The following SELENON variants were observed in gnomAD, a reference collection of about 807,000 sequenced individuals.
SELENON encodes selenoprotein N.
A neutral mutation model predicts 59.5 loss-of-function variants in SELENON; 44 were observed. That is an observed-to-expected ratio of 0.74 (90% CI 0.58 to 0.95). The LOEUF is 0.95. SELENON is among the 40% of genes least tolerant of loss of function. The pLI is 0.00. For synonymous variants in SELENON, 320 were observed against 305.6 expected, an observed-to-expected ratio of 1.05 and a Z score of -0.49; for missense variants, 674 against 721.4, an observed-to-expected ratio of 0.93 and a Z score of 0.75.
At position 25,809,918 on chromosome 1, in the gene SELENON, C is replaced by T. The variant is rs1382843582; in HGVS notation, c.1010+98C>T. 7.5e-6 allele frequency: 11 copies of T among 1,467,052 alleles called. No individual in the cohort carries two copies. In the East Asian group the frequency reaches 2.3e-4, roughly 30 times the overall value. The allele number at this position is 1,467,052 out of a possible 1,614,324, so 90.9% of individuals were successfully genotyped here. A position where few individuals can be genotyped will look rare whatever the true frequency, so the allele number is the denominator to read the frequency against. On this transcript the variant is annotated intron_variant, in intron 7 of 12. Transcript: ENST00000361547. ...GGGGCCTCTTCTGTCTCTGCCCCTT[C>T]CTTTGCTCCCCAGAGCCCATCTCAT...
In SELENON at chr1:25,806,769, G is replaced by A. The variant is rs181546255; in HGVS notation, c.537+1494G>A. ...TGACCTTGAGGCTGGCACCTGTGGC[G>A]GAATTGCCACCTGGCCCAGCCCAGG... is the stretch of plus-strand genomic sequence containing the variant. On this transcript the variant is annotated intron_variant, in intron 4 of 12. Transcript: ENST00000361547. Among the ~76,000 whole-genome samples the A allele has an allele frequency of 2.1e-3, 326 of 152,040 alleles. 1 individual carries two copies. The highest frequency in any genetic ancestry group is 7.5e-3 in the African/African-American group (311 of 41,460).
At position 25,815,736 on chromosome 1, in the gene SELENON, T is replaced by G. The variant is rs763193254; in HGVS notation, c.*18T>G. The G allele has an allele frequency of 1.9e-6, 3 of 1,612,832 alleles. No individual in the cohort carries two copies. Among genetic ancestry groups the G allele is most frequent in the Non-Finnish European group, 2.5e-6 (3 of 1,179,886 alleles). The stretch of plus-strand genomic sequence containing the variant: ...AGCCCTAGAGTGCCTGGACGGGATC[T>G]GATGCACAGGCCCCCACGCCTCAGA... On this transcript the variant is annotated 3_prime_UTR_variant, in exon 13 of 13. Coordinates refer to ENST00000361547, the MANE Select transcript of SELENON (RefSeq NM_020451.3).
chr1:25,811,388 G>A (rs961027408), intron 7 of SELENON, 66 bp from the exon 7 acceptor site: 143 of 1,350,412 alleles, frequency 1.1e-4, no homozygotes, highest in Non-Finnish European at 1.4e-4. Flanking sequence ...CAGGTATTAT[G>A]TGAGATAAAG....
chr1:25,801,162 T>C lies in SELENON; in HGVS notation c.301+2T>C. 1 of 1,611,236 alleles carries C rather than the reference T, an allele frequency of 6.2e-7. No homozygotes were observed. Among genetic ancestry groups the C allele is most frequent in the Non-Finnish European group, 8.5e-7 (1 of 1,177,448 alleles). On this transcript the variant is annotated splice_donor_variant, in intron 2 of 12. Coordinates refer to ENST00000361547, the MANE Select transcript of SELENON (RefSeq NM_020451.3). LOFTEE classifies it high-confidence loss of function. ...AACCCATTGCTGAGAAGCTAACAGG[T>C]ACCAGGAGAGACTGGCGGCTGGGGA...
chr1:25,818,110 C>A lies in SELENON; in HGVS notation c.*2392C>A, dbSNP rs1043442639. 6.6e-6 allele frequency: 1 copy of A among 152,450 alleles called. No individual in the cohort carries two copies. Among genetic ancestry groups the A allele is most frequent in the African/African-American group, 2.4e-5 (1 of 41,478 alleles). 9.4% of individuals were successfully genotyped at this position (152,450 alleles called of 1,614,324 possible). On this transcript the variant is annotated 3_prime_UTR_variant, in exon 13 of 13. Transcript: ENST00000361547. ...TGATGCCTCTGCAGTTCATGTCCCC[C>A]ACCAGGCCTCGAGGCTCAGGGTGGG... is the stretch of plus-strand genomic sequence containing the variant.
In SELENON at chr1:25,815,674, C is replaced by T. The variant is rs1453584391; in HGVS notation, c.1729C>T (p.Leu577=). ...GTCCACGGCCACCTACATGCAGTTC[C>T]TGAAGGAGGGACTCCGGCGTGGCCT... Residue 577 remains leucine (L), a synonymous_variant, in exon 13 of 13, where the codon CTG becomes TTG. Coordinates refer to ENST00000361547, the MANE Select transcript of SELENON (RefSeq NM_020451.3). The T allele has an allele frequency of 6.2e-7, 1 of 1,614,082 alleles. No homozygotes were observed. Among genetic ancestry groups the T allele is most frequent in the Non-Finnish European group, 8.5e-7 (1 of 1,180,030 alleles).
chr1:25,809,719 C>T lies in SELENON; in HGVS notation c.909C>T (p.Asp303=), dbSNP rs748756250. 6.8e-6 allele frequency: 11 copies of T among 1,614,048 alleles called. No homozygotes were observed. In the African/African-American group the frequency reaches 1.2e-4, roughly 18 times the overall value. ...AGTTCCAGCTCAGTGAGCCGCCCGACTTCCCCTTTTGGTTCTCCCCTGCTC... is the reference window on the plus strand; with the variant it reads ...AGTTCCAGCTCAGTGAGCCGCCCGATTTCCCCTTTTGGTTCTCCCCTGCTC... The change falls in exon 7 of 13, where the codon GAC becomes GAT. Residue 303 remains aspartate, a synonymous_variant. Coordinates refer to ENST00000361547, the MANE Select transcript of SELENON (RefSeq NM_020451.3).
chr1:25,815,055 T>C (rs1203244085), intron 12 of SELENON, among the ~76,000 whole-genome samples: 1 of 151,960 alleles, frequency 6.6e-6, no homozygotes, highest in Non-Finnish European at 1.5e-5. Flanking sequence ...TGAATGTTGA[T>C]TGAATGCTGA....
chr1:25,809,943 T>C, intron 7 of SELENON, 123 bp downstream of exon 6: 3 of 1,302,518 alleles, frequency 2.3e-6, no homozygotes, highest in South Asian at 2.4e-5. Context: ...GCCCATCTCA[T>C]GGGGCTGACG....
In SELENON at chr1:25,812,556, TACACACAAACACACACAC is replaced by T. The variant is rs1197051567; in HGVS notation, c.1282-123_1282-106del. On this transcript the variant is annotated intron_variant, in intron 9 of 12. Transcript: ENST00000361547. ...AGACATACACACAAATATATATGCC[TACACACAAACACACACAC>T]ACACACACACACACACACACACACA... is the stretch of plus-strand genomic sequence containing the variant. 2.2e-4 allele frequency: 115 copies of T among 527,964 alleles called. No individual in the cohort carries two copies. In the African/African-American group the frequency reaches 2.4e-3, roughly 11 times the overall value. The allele number at this position is 527,964 out of a possible 1,614,324, so 32.7% of individuals were successfully genotyped here.
chr1:25,801,720 C>T (rs556495083), intron 2 of SELENON, among the ~76,000 whole-genome samples: 1 of 152,280 alleles, frequency 6.6e-6, no homozygotes, highest in African/African-American at 2.4e-5. Flanking sequence ...CCACCTCCTC[C>T]GTGCCAGGTA....
intron 2 of SELENON, 125 bp downstream of exon 2, chr1:25,801,285 G>T: frequency 3.9e-6 from 3 of 768,660 alleles, no homozygotes; most frequent in Non-Finnish European, 7.0e-6. Flanking sequence ...ACTCCTCCCA[G>T]CTCTGACACT....
intron 6 of SELENON, 58 bp from the exon 6 acceptor site, chr1:25,809,625 C>G: frequency 6.2e-7 from 1 of 1,608,254 alleles, no homozygotes; most frequent in South Asian, 1.1e-5. Flanking sequence ...GCCAAGGCTT[C>G]CCGGGCTCCT....
rs1435826273 is a variant in SELENON, at chr1:25,811,743, A to C, written c.1145A>C (p.Asp382Ala). 1.2e-6 allele frequency: 2 copies of C among 1,602,526 alleles called. No individual in the cohort carries two copies. Among genetic ancestry groups the C allele is most frequent in the Admixed American group, 3.5e-5 (2 of 57,028 alleles). ...GTGCCCTCCGTGATCCTGGATGAGG[A>C]TGGCAGCATGATCGACAGCCACCTG... Residue 382 changes from aspartate to alanine, a missense_variant, in exon 9 of 13, where the codon GAT becomes GCT. Coordinates refer to ENST00000361547, the MANE Select transcript of SELENON (RefSeq NM_020451.3).
Position 25,801,102 on chromosome 1 carries a change from T to G in SELENON, c.243T>G (p.Thr81=). The G allele has an allele frequency of 1.9e-6, 3 of 1,614,172 alleles. No homozygotes were observed. The highest frequency in any genetic ancestry group is 2.5e-6 in the Non-Finnish European group (3 of 1,180,012). ...TTTTTCTCTTTTCCTCCTTGGACAC[T>G]GACGGGGATATGTACATCAGCCCTG... The change falls in exon 2 of 13, where the codon ACT becomes ACG. Residue 81 remains threonine, a synonymous_variant. Coordinates refer to ENST00000361547, the MANE Select transcript of SELENON (RefSeq NM_020451.3).
rs745715484 is a variant in SELENON, at chr1:25,811,806, T to TC, written c.1209dup (p.Lys404GlnfsTer?). On this transcript the variant is annotated frameshift_variant, in exon 9 of 13. Transcript: ENST00000361547. LOFTEE classifies it high-confidence loss of function. ...CCCCTGCAGTTTGTGTTTGAGGAGA[T>TC]CAAGTGGCAGCAGGAGCTGAGCTGG... 1.3e-6 allele frequency: 2 copies of TC among 1,587,506 alleles called. No individual in the cohort carries two copies. The highest frequency in any genetic ancestry group is 4.6e-5 in the East Asian group (2 of 43,836).
chr1:25,812,555 CTACACACAAACA>C (rs2047972589), intron 9 of SELENON, 120 bp from the exon 9 acceptor site: 2 of 567,800 alleles, frequency 3.5e-6, no homozygotes, highest in Non-Finnish European at 6.1e-6. Context: ...ATATATATGC[CTACACACAAACA>C]CACACACACA....
rs1267070049 is a variant in SELENON at position 25,817,578 on chromosome 1, CACG to C, written c.*1863_*1865del. On this transcript the variant is annotated 3_prime_UTR_variant, in exon 13 of 13. Coordinates refer to ENST00000361547, the MANE Select transcript of SELENON (RefSeq NM_020451.3). ...TACACGCACCTTCTCACTTAATCCT[CACG>C]ACAAGCCTGTGAGGCAGATGCTCAT... is the stretch of plus-strand genomic sequence containing the variant. The C allele has an allele frequency of 2.6e-5, 4 of 152,236 alleles. No homozygotes were observed. Among genetic ancestry groups the C allele is most frequent in the East Asian group, 3.8e-4 (2 of 5,200 alleles). 9.4% of individuals were successfully genotyped at this position (152,236 alleles called of 1,614,324 possible).
chr1:25,806,539 C>G (rs1275919407), intron 4 of SELENON, among the ~76,000 whole-genome samples: 3 of 152,076 alleles, frequency 2.0e-5, no homozygotes, highest in Non-Finnish European at 4.4e-5. Flanking sequence ...ACTCAGGCTT[C>G]TGGCTGTGAC....
Sources: gnomAD v4.1 joint callset for allele counts (sites outside exome capture counted in the v4.1 genomes callset) on GRCh38, gnomAD v4.1.1 for gene constraint, MANE v1.5 for transcripts, NCBI Gene and HGNC (gene_info 2026-07-23, HGNC 2026-07-21) for gene names.